Variants in ARHGAP21 observed in about 807,000 individuals in gnomAD.
ARHGAP21 encodes the protein rho GTPase-activating protein 21.
ARHGAP21 carries 38 observed loss-of-function variants against 164.6 expected under a neutral mutation model. That is an observed-to-expected ratio of 0.23 (90% CI 0.18 to 0.30). The LOEUF is 0.30. ARHGAP21 is among the 10% of genes least tolerant of loss of function. The pLI is 1.00. For synonymous variants in ARHGAP21, 766 were observed against 857.9 expected (o/e 0.89, Z 1.87); for missense variants, 1,822 against 2,370.7 (o/e 0.77, Z 4.81).
intron 4 of ARHGAP21, among the ~76,000 whole-genome samples, chr10:24,650,880 T>A (rs1838092903): frequency 6.6e-6 from 1 of 152,212 alleles, no homozygotes. Flanking sequence ...ACTGTTCACC[T>A]TGAGGCGTTT....
intron 9 of ARHGAP21, among the ~76,000 whole-genome samples, chr10:24,615,531 A>G (rs2131105723): frequency 6.6e-6 from 1 of 152,326 alleles, no homozygotes; most frequent in South Asian, 2.1e-4. Flanking sequence ...AAAAAAGTAA[A>G]ATCCAAGATT....
chr10:24,661,138 T>C (rs565886679), intron 4 of ARHGAP21, among the ~76,000 whole-genome samples: 86 of 149,610 alleles, frequency 5.7e-4, no homozygotes, highest in African/African-American at 2.1e-3. Flanking sequence ...TGTTATACTA[T>C]ATTGTTATAT....
At chr10:24,638,772 T>C (rs1473895089) in intron 4 of ARHGAP21, among the ~76,000 whole-genome samples, 6 of 152,214 alleles carry the variant, frequency 3.9e-5, no homozygotes, top group Non-Finnish European at 8.8e-5. Context: ...CAGTTAAATC[T>C]TCCTATATTT....
chr10:24,716,858 T>C (rs1403675886), intron 2 of ARHGAP21, among the ~76,000 whole-genome samples: 1 of 152,152 alleles, frequency 6.6e-6, no homozygotes, highest in East Asian at 1.9e-4. Flanking sequence ...TTGCTTGAGA[T>C]GAGGAAGACT....
Position 24,595,899 on chromosome 10 carries a change from T to C in ARHGAP21, c.3622A>G (p.Ile1208Val). 6.2e-7 allele frequency: 1 copy of C among 1,612,530 alleles called. No homozygotes were observed. Among genetic ancestry groups the C allele is most frequent in the Non-Finnish European group, 8.5e-7 (1 of 1,179,532 alleles). ...ELNKGMADID[I>V]QDDKWRDLNV... is the part of the protein sequence containing the mutation. Reference sequence around the variant, plus strand: ...ATAAGCAAACTTACATCATCTTGTATATCAATATCAGCCATTCCCTTGTTG... The same window carrying C: ...ATAAGCAAACTTACATCATCTTGTACATCAATATCAGCCATTCCCTTGTTG... The change falls in exon 18 of 26, where the codon ATA (isoleucine) becomes GTA (valine). Residue 1208 changes from isoleucine to valine, a missense_variant. By Grantham distance (29) the Ile-to-Val change is conservative. Around this residue, in one of 5 missense-constraint regions of ARHGAP21, gnomAD observed 117 missense variants for 238.1 expected, o/e 0.49. Transcript: ENST00000396432.
At chr10:24,714,250 A>C (rs931311340) in intron 2 of ARHGAP21, 3 of 152,250 alleles carry the variant, frequency 2.0e-5, no homozygotes, top group Non-Finnish European at 4.4e-5. Context: ...TATAATAAGA[A>C]GACAGGACCC....
chr10:24,630,374 A>G (rs899138269), intron 6 of ARHGAP21, among the ~76,000 whole-genome samples: 7 of 152,354 alleles, frequency 4.6e-5, no homozygotes, highest in South Asian at 2.1e-4. Context: ...ACTCTTAACA[A>G]TATCAGTATA....
At chr10:24,671,140 CA>C (rs1565137497) in intron 2 of ARHGAP21, among the ~76,000 whole-genome samples, 1 of 152,136 alleles carries the variant, frequency 6.6e-6, no homozygotes, top group African/African-American at 2.4e-5. Flanking sequence ...CCTCTTAAGC[CA>C]GCTTCAATTC....
chr10:24,686,780 G>A (rs962700495), intron 2 of ARHGAP21, among the ~76,000 whole-genome samples: 3 of 152,332 alleles, frequency 2.0e-5, no homozygotes, highest in Middle Eastern at 3.4e-3. Flanking sequence ...CTGCAGATGA[G>A]TTATGACTGT....
intron 9 of ARHGAP21, among the ~76,000 whole-genome samples, chr10:24,615,597 A>T (rs1354052115): frequency 6.6e-6 from 1 of 152,204 alleles, no homozygotes; most frequent in Non-Finnish European, 1.5e-5. Context: ...TGCAGCCAAC[A>T]GGCAATCGGC....
At chr10:24,588,938 T>C (rs963786150) in intron 25 of ARHGAP21, among the ~76,000 whole-genome samples, 1 of 152,136 alleles carries the variant, frequency 6.6e-6, no homozygotes, top group Non-Finnish European at 1.5e-5. Flanking sequence ...GTGCTGATAA[T>C]TACTGGAGAT....
At chr10:24,694,499 T>C (rs571924914) in intron 2 of ARHGAP21, among the ~76,000 whole-genome samples, 1 of 152,344 alleles carries the variant, frequency 6.6e-6, no homozygotes, top group East Asian at 1.9e-4. Flanking sequence ...AAGGTACCTA[T>C]GTGACCTGCC....
Position 24,710,156 on chromosome 10 carries a change from G to A in ARHGAP21, c.63+11681C>T, listed in dbSNP as rs368754651. ...TTTTTCCCTTCCTGGTCTTGTAGCTGAATAAGCTACAGCTAGGGAGAATAT... is the reference window on the plus strand; with the variant it reads ...TTTTTCCCTTCCTGGTCTTGTAGCTAAATAAGCTACAGCTAGGGAGAATAT... On this transcript the variant is annotated intron_variant, in intron 2 of 25. Transcript: ENST00000396432. 5.9e-5 allele frequency among the ~76,000 whole-genome samples: 9 copies of A among 152,170 alleles called. No homozygotes were observed. The South Asian group carries it at 1.2e-3, about 21-fold the overall frequency.
chr10:24,671,090 C>T (rs1056665386), intron 2 of ARHGAP21, among the ~76,000 whole-genome samples: 15 of 152,048 alleles, frequency 9.9e-5, no homozygotes, highest in African/African-American at 3.6e-4. Flanking sequence ...CTGACTCTAC[C>T]ACCCTTTCCC....
intron 4 of ARHGAP21, among the ~76,000 whole-genome samples, chr10:24,662,105 T>C (rs1264577472): frequency 2.0e-5 from 3 of 152,206 alleles, no homozygotes; most frequent in Admixed American, 2.0e-4. Context: ...CAAGTGATGG[T>C]TGCTCCTGCA....
Position 24,591,974 on chromosome 10 carries a change from G to C in ARHGAP21, c.3915C>G (p.Thr1305=). 4 of 1,613,334 alleles carry C rather than the reference G, an allele frequency of 2.5e-6. No homozygotes were observed. Among genetic ancestry groups the C allele is most frequent in the Non-Finnish European group, 3.4e-6 (4 of 1,179,756 alleles). ...TGTTGTCTTCTGATGTTCGAACAAG[G>C]GTGGGACCAAACACTATTGCTAGGT... ...PRNLAIVFGP[T]LVRTSEDNMT... The change falls in exon 22 of 26, where the codon ACC becomes ACG. Residue 1305 remains threonine (T), a synonymous_variant. Coordinates refer to ENST00000396432, the MANE Select transcript of ARHGAP21 (RefSeq NM_020824.4).
At chr10:24,667,680 A>G (rs2131742528) in intron 3 of ARHGAP21, among the ~76,000 whole-genome samples, 2 of 152,294 alleles carry the variant, frequency 1.3e-5, no homozygotes, top group Admixed American at 1.3e-4. Context: ...TGTACCTTAG[A>G]AAGAAAAACA....
chr10:24,596,673 T>A lies in ARHGAP21; in HGVS notation c.3477+67A>T, dbSNP rs150005872. 1,661 of 1,605,446 alleles carry A rather than the reference T, an allele frequency of 1.0e-3. 30 individuals are homozygous for A. In the East Asian group the frequency reaches 0.029, roughly 28 times the overall value. On this transcript the variant is annotated intron_variant, in intron 17 of 25. Coordinates refer to ENST00000396432, the MANE Select transcript of ARHGAP21 (RefSeq NM_020824.4). ...CTCTGTTGTCTGAAAGGCTATATAC[T>A]CAGATCCCATTATAATCAAAACTGA... is the stretch of plus-strand genomic sequence containing the variant.
chr10:24,711,116 G>GGGAAGGAAGGAAGGAAGGAA (rs1191649348), intron 2 of ARHGAP21, among the ~76,000 whole-genome samples: 2 of 114,952 alleles, frequency 1.7e-5, no homozygotes, highest in African/African-American at 6.8e-5. Context: ...AAAAAAAAAA[G>GGGAAGGAAGGAAGGAAGGAA]GGAAGGAAGG....
Sources: allele counts gnomAD v4.1 joint callset (sites outside exome capture counted in the v4.1 genomes callset), GRCh38; gene constraint gnomAD v4.1.1; regional missense constraint gnomAD v4.1.1; transcripts MANE v1.5; gene names NCBI Gene and HGNC (gene_info 2026-07-23, HGNC 2026-07-21).